PIEZO1: variants seen among roughly 807,000 people sequenced by gnomAD.
PIEZO1 encodes the protein piezo-type mechanosensitive ion channel component 1.
A neutral mutation model predicts 297.2 loss-of-function variants in PIEZO1; 296 were observed. The observed-to-expected ratio is 1.00, with a 90% CI of 0.91 to 1.10. The LOEUF (loss-of-function observed/expected upper bound fraction) is 1.10. PIEZO1 is among the 50% of genes least tolerant of loss of function. The pLI is 0.00. For missense variants in PIEZO1, 5,018 were observed against 3,455.5 expected (o/e 1.45, Z -11.34); for synonymous variants, 2,427 against 1,507.5 (o/e 1.61, Z -14.13).
At chr16:88,772,905 T>C (rs963406068) in intron 1 of PIEZO1, among the ~76,000 whole-genome samples, 45 of 151,782 alleles carry the variant, frequency 3.0e-4, no homozygotes, top group African/African-American at 9.7e-4. Flanking sequence ...CAGGCTGGGG[T>C]GGGCCATGGC....
chr16:88,751,782 G>A (rs1362323779), intron 1 of PIEZO1, among the ~76,000 whole-genome samples: 7 of 152,094 alleles, frequency 4.6e-5, no homozygotes, highest in Non-Finnish European at 1.0e-4. Context: ...CTTTTCAGCC[G>A]GGTGAGTTCT....
intron 1 of PIEZO1, among the ~76,000 whole-genome samples, chr16:88,757,422 G>A (rs1050492166): frequency 4.6e-5 from 7 of 151,756 alleles, no homozygotes; most frequent in Admixed American, 3.9e-4. Context: ...GCCTGTGAGA[G>A]CAGGGGCGGG....
rs574983945 is a variant in PIEZO1, at chr16:88,722,163, C to T, written c.4955+55G>A. 97 of 1,525,254 alleles carry T rather than the reference C, an allele frequency of 6.4e-5. 1 individual carries two copies. In the African/African-American group the frequency reaches 8.1e-4, roughly 13 times the overall value. The allele number at this position is 1,525,254 out of a possible 1,614,324, so 94.5% of individuals were successfully genotyped here. A position where few individuals can be genotyped will look rare whatever the true frequency, so the allele number is the denominator to read the frequency against. ...TCACAGTCAGTCTCCTGCCCCTGTTCGGCTGCTCCCCGAGGGCCATGGTGA... is the reference window on the plus strand; with the variant it reads ...TCACAGTCAGTCTCCTGCCCCTGTTTGGCTGCTCCCCGAGGGCCATGGTGA... On this transcript the variant is annotated intron_variant, in intron 36 of 50. Transcript: ENST00000301015.
rs1912335530 is a variant in PIEZO1, at chr16:88,720,267, G to A, written c.5966C>T (p.Thr1989Ile). The change falls in exon 42 of 51, where the codon ACA (threonine) becomes ATA (isoleucine). Residue 1989 changes from threonine (T) to isoleucine (I), a missense_variant. Coordinates refer to ENST00000301015, the MANE Select transcript of PIEZO1 (RefSeq NM_001142864.4). ...GTCTGATAGGGAGGACGTGATGTCTGTGGCCGCCGAGTGCTTCTGTGGCCA... is the reference window on the plus strand; with the variant it reads ...GTCTGATAGGGAGGACGTGATGTCTATGGCCGCCGAGTGCTTCTGTGGCCA... ...FWAFGKHSAATDITSSLSDDQ... is the reference protein window; with the variant it reads ...FWAFGKHSAAIDITSSLSDDQ... 2 of 1,550,450 alleles carry A rather than the reference G, an allele frequency of 1.3e-6. No individual in the cohort carries two copies. Among genetic ancestry groups the A allele is most frequent in the Admixed American group, 2.0e-5 (1 of 51,012 alleles).
Position 88,716,684 on chromosome 16 carries a change from C to A in PIEZO1, c.6801G>T (p.Thr2267=). 1 of 1,549,066 alleles carries A rather than the reference C, an allele frequency of 6.5e-7. No homozygotes were observed. The highest frequency in any genetic ancestry group is 8.7e-7 in the Non-Finnish European group (1 of 1,146,936). The change falls in exon 47 of 51, where the codon ACG becomes ACT. Residue 2267 remains threonine, a synonymous_variant. Transcript: ENST00000301015. ...CCCCGGAGCTGCCCTCAATCTGCGCCGTGACGATGTCCTCAGGGCTGTACT... is the reference window on the plus strand; with the variant it reads ...CCCCGGAGCTGCCCTCAATCTGCGCAGTGACGATGTCCTCAGGGCTGTACT... ...ISQYSPEDIV[T]AQIEGSSGAL... is the part of the protein sequence containing the mutation.
chr16:88,725,008 C>T lies in PIEZO1; in HGVS notation c.4234+1G>A. ...GCCACAGGCGGCCTAATTGGGGGTA[C>T]CTGTGGCGTGGTCCAGCCAGGGCCG... On this transcript the variant is annotated splice_donor_variant, in intron 30 of 50. Transcript: ENST00000301015. LOFTEE classifies it high-confidence loss of function. The T allele has an allele frequency of 6.8e-7, 1 of 1,479,024 alleles. No homozygotes were observed. Among genetic ancestry groups the T allele is most frequent in the Non-Finnish European group, 9.0e-7 (1 of 1,115,030 alleles). 91.6% of individuals were successfully genotyped at this position (1,479,024 alleles called of 1,614,324 possible).
chr16:88,771,511 T>C (rs1259371209), intron 1 of PIEZO1, among the ~76,000 whole-genome samples: 1 of 152,178 alleles, frequency 6.6e-6, no homozygotes, highest in African/African-American at 2.4e-5. Context: ...TCCCCACGGC[T>C]CACGCAGCTG....
At chr16:88,727,216 T>C (rs1904512419) in intron 23 of PIEZO1, 24 bp from the exon 24 acceptor site, 1 of 1,515,090 alleles carries the variant, frequency 6.6e-7, no homozygotes, top group Non-Finnish European at 8.9e-7. Flanking sequence ...GAGCCGCCGC[T>C]GTGCCACACG....
intron 1 of PIEZO1, among the ~76,000 whole-genome samples, chr16:88,754,094 C>G (rs927969000): frequency 1.3e-5 from 2 of 152,198 alleles, no homozygotes; most frequent in African/African-American, 4.8e-5. Context: ...CAACCCCCAA[C>G]CCCCTCGCCT....
intron 1 of PIEZO1, among the ~76,000 whole-genome samples, chr16:88,773,506 C>A (rs1907520138): frequency 6.6e-6 from 1 of 152,238 alleles, no homozygotes; most frequent in Non-Finnish European, 1.5e-5. Context: ...AGGGTGAAGA[C>A]AGCAGCTGGC....
intron 2 of PIEZO1, 74 bp downstream of exon 2, chr16:88,749,310 G>T: frequency 1.0e-6 from 1 of 957,000 alleles, no homozygotes; most frequent in Non-Finnish European, 1.5e-6. Flanking sequence ...GAGGAAAGCT[G>T]TACGAATTTT....
At chr16:88,772,410 G>C (rs1030236765) in intron 1 of PIEZO1, among the ~76,000 whole-genome samples, 1 of 152,146 alleles carries the variant, frequency 6.6e-6, no homozygotes, top group African/African-American at 2.4e-5. Flanking sequence ...AGCCACGCTG[G>C]AGCTGAGGGC....
In PIEZO1 at chr16:88,749,344, C is replaced by T. The variant is rs993253355; in HGVS notation, c.160+40G>A. On this transcript the variant is annotated intron_variant, in intron 2 of 50. Coordinates refer to ENST00000301015, the MANE Select transcript of PIEZO1 (RefSeq NM_001142864.4). Reference sequence around the variant, plus strand: ...TTGGCCCCAAACGAATGCCCACCCCCTCCCACCCTGAGAGCGTGGGCAGGG... The same window carrying T: ...TTGGCCCCAAACGAATGCCCACCCCTTCCCACCCTGAGAGCGTGGGCAGGG... 4 of 1,335,984 alleles carry T rather than the reference C, an allele frequency of 3.0e-6. No individual in the cohort carries two copies. In the African/African-American group the frequency reaches 4.6e-5, roughly 15 times the overall value. The allele number at this position is 1,335,984 out of a possible 1,614,324, so 82.8% of individuals were successfully genotyped here.
chr16:88,731,504 G>A (rs1450288363), intron 22 of PIEZO1: 1 of 587,412 alleles, frequency 1.7e-6, no homozygotes, highest in Non-Finnish European at 3.0e-6. Flanking sequence ...GAACAGCAGA[G>A]CCTGGAGGGG....
chr16:88,732,533 G>A lies in PIEZO1; in HGVS notation c.2793C>T (p.Asn931=). The change falls in exon 21 of 51, where the codon AAC becomes AAT. Residue 931 remains asparagine (N), a splice_region_variant and synonymous_variant. Coordinates refer to ENST00000301015, the MANE Select transcript of PIEZO1 (RefSeq NM_001142864.4). ...KGFPNLGYIQ[N]HLQVLLLLVF... ...CCAGCAGCAGCAGCACTTGCAGGTG[G>A]TTCTGCGGAGGGCAAGGGTCAGGGG... 5.2e-6 allele frequency: 8 copies of A among 1,546,132 alleles called. No individual in the cohort carries two copies. Among genetic ancestry groups the A allele is most frequent in the African/African-American group, 1.4e-5 (1 of 73,084 alleles).
At chr16:88,725,772 G>C in intron 27 of PIEZO1, 88 bp from the exon 28 acceptor site, 1 of 719,288 alleles carries the variant, frequency 1.4e-6, no homozygotes, top group East Asian at 2.7e-5. Flanking sequence ...GCCCGGGACA[G>C]CTCAGCCTGC....
intron 2 of PIEZO1, among the ~76,000 whole-genome samples, chr16:88,748,369 G>A (rs1336390627): frequency 6.6e-6 from 1 of 152,264 alleles, no homozygotes; most frequent in African/African-American, 2.4e-5. Context: ...TGCTACCCTC[G>A]TCACCCAGGC....
chr16:88,732,075 C>T (rs1418376718), intron 21 of PIEZO1, among the ~76,000 whole-genome samples, 165 bp from the exon 22 acceptor site: 1 of 141,266 alleles, frequency 7.1e-6, no homozygotes, highest in Non-Finnish European at 1.6e-5. Flanking sequence ...GAGTGGCTGG[C>T]AGTTGCCATC....
chr16:88,763,781 T>C (rs932800203), intron 1 of PIEZO1, among the ~76,000 whole-genome samples: 8 of 152,156 alleles, frequency 5.3e-5, no homozygotes, highest in Non-Finnish European at 7.4e-5. Flanking sequence ...ACAAGGTCGC[T>C]CTGTGACCTG....
Sources: allele counts gnomAD v4.1 joint callset (sites outside exome capture counted in the v4.1 genomes callset), GRCh38; gene constraint gnomAD v4.1.1; transcripts MANE v1.5; gene names NCBI Gene and HGNC (gene_info 2026-07-23, HGNC 2026-07-21).